Variants in CFAP74 observed in about 807,000 individuals in gnomAD.
CFAP74 encodes the protein cilia- and flagella-associated protein 74.
In CFAP74, 124 loss-of-function variants were observed where a neutral mutation model predicts 188.9. The ratio of observed to expected loss-of-function variants is 0.66; its 90% confidence interval spans 0.57 to 0.76. CFAP74 has a LOEUF of 0.76. Among genes scored for constraint, CFAP74 ranks in the 30% least tolerant of loss-of-function variants. CFAP74 has a pLI of 0.00. For synonymous variants in CFAP74, 956 were observed against 916.7 expected, an observed-to-expected ratio of 1.04 and a Z score of -0.77; for missense variants, 2,198 against 2,165.2, an observed-to-expected ratio of 1.02 and a Z score of -0.30.
intron 16 of CFAP74, among the ~76,000 whole-genome samples, chr1:1,957,244 G>A (rs138311763): frequency 1.3e-5 from 2 of 152,330 alleles, no homozygotes; most frequent in African/African-American, 2.4e-5. Context: ...AAGCTCTGGT[G>A]CTGGCTAAGG....
At chr1:1,985,528 C>A in intron 5 of CFAP74, 38 bp from the exon 6 acceptor site, 5 of 1,535,970 alleles carry the variant, frequency 3.3e-6, no homozygotes, top group Non-Finnish European at 4.5e-6. Flanking sequence ...GTGTGTCAGG[C>A]CTCAGTCATC....
In CFAP74 at chr1:1,942,714, C is replaced by T. The variant is rs1325166331; in HGVS notation, c.2487-558G>A. Among the ~76,000 whole-genome samples the T allele has an allele frequency of 6.6e-6, 1 of 152,188 alleles. No individual in the cohort carries two copies. The highest frequency in any genetic ancestry group is 2.4e-5 in the African/African-American group (1 of 41,444). On this transcript the variant is annotated intron_variant, in intron 21 of 38. Coordinates refer to ENST00000682832, the MANE Select transcript of CFAP74 (RefSeq NM_001304360.2). This position sits in a 1 kb window ranked among gnomAD's most constrained non-coding sequence, Gnocchi z 4.3. ...GGTCCCTACCTCCGGCTCCCTTAAG[C>T]CAACGGCCTCCTCAGGACCACCTGG... is the stretch of plus-strand genomic sequence containing the variant.
At chr1:1,936,627 C>G (rs2803322) in intron 25 of CFAP74, among the ~76,000 whole-genome samples, 84,198 of 151,860 alleles carry the variant, frequency 0.55, 23,541 homozygotes, top group East Asian at 0.66. Context: ...AGGAGAGCCG[C>G]GCACAGTGGC....
intron 9 of CFAP74, among the ~76,000 whole-genome samples, chr1:1,971,111 ACACACATG>A (rs2102079122): frequency 7.8e-6 from 1 of 127,398 alleles, no homozygotes; most frequent in South Asian, 2.6e-4. Flanking sequence ...ACACGTGTGC[ACACACATG>A]CTCACACGTG....
Position 1,923,165 on chromosome 1 carries a change from G to T in CFAP74, c.4523-20C>A. 1 of 1,596,222 alleles carries T rather than the reference G, an allele frequency of 6.3e-7. No individual in the cohort carries two copies. The highest frequency in any genetic ancestry group is 8.5e-7 in the Non-Finnish European group (1 of 1,173,460). ...AGCTGGCTGGAGGGGTGTGGCCAGG[G>T]GAGCTGTTCAGGGTCAGGCTGAGGC... On this transcript the variant is annotated intron_variant, in intron 36 of 38. Coordinates refer to ENST00000682832, the MANE Select transcript of CFAP74 (RefSeq NM_001304360.2). The surrounding 1 kb of genome is among the most constrained non-coding windows in gnomAD (Gnocchi z 6.3).
chr1:1,956,574 G>A (rs780247966), intron 17 of CFAP74, 46 bp downstream of exon 17: 2 of 1,607,402 alleles, frequency 1.2e-6, no homozygotes, highest in Non-Finnish European at 1.7e-6. Context: ...GACTGGATTT[G>A]GGGGGCAGGT....
At position 1,946,377 on chromosome 1, in the gene CFAP74, G is replaced by C; in HGVS notation, c.2304C>G (p.Val768=). The C allele has an allele frequency of 6.5e-7, 1 of 1,536,954 alleles. No homozygotes were observed. Among genetic ancestry groups the C allele is most frequent in the Non-Finnish European group, 8.7e-7 (1 of 1,146,850 alleles). ...ACCTGGCTTGGACGTCGCCTGGGACGACCGGAGTGAAGACGATGGGCACCT... is the reference window on the plus strand; with the variant it reads ...ACCTGGCTTGGACGTCGCCTGGGACCACCGGAGTGAAGACGATGGGCACCT... ...SIKVPIVFTP[V]VPGDVQARFK... Residue 768 remains valine (V), a synonymous_variant, in exon 20 of 39, where the codon GTC becomes GTG. Transcript: ENST00000682832.
intron 9 of CFAP74, among the ~76,000 whole-genome samples, chr1:1,971,074 T>C (rs1196656615): frequency 2.3e-5 from 3 of 132,336 alleles, no homozygotes; most frequent in Non-Finnish European, 4.7e-5. Flanking sequence ...CACGCACACC[T>C]GCACACACTC....
At chr1:1,945,129 G>T (rs1390206609) in intron 20 of CFAP74, among the ~76,000 whole-genome samples, 1 of 151,614 alleles carries the variant, frequency 6.6e-6, no homozygotes, top group Non-Finnish European at 1.5e-5. Flanking sequence ...AGTGTGGTGA[G>T]ACCCCCGTCT....
chr1:1,959,147 T>G lies in CFAP74; in HGVS notation c.1824A>C (p.Pro608=), dbSNP rs1654879879. The part of the protein sequence containing the change: ...FLAQTGEFSV[P]LKCSTKKCSL... ...AACATTTCTTTGTTGAACATTTCAG[T>G]GGAACTGAAAACTCGCCCGTCTGAG... The change falls in exon 16 of 39, where the codon CCA becomes CCC. Residue 608 remains proline (P), a synonymous_variant. Transcript: ENST00000682832. The G allele has an allele frequency of 1.2e-6, 2 of 1,612,868 alleles. No individual in the cohort carries two copies. The highest frequency in any genetic ancestry group is 1.7e-6 in the Non-Finnish European group (2 of 1,179,066).
In CFAP74 at chr1:1,975,203, C is replaced by T. The variant is rs370025042; in HGVS notation, c.501-1005G>A. 2.0e-5 allele frequency among the ~76,000 whole-genome samples: 3 copies of T among 152,254 alleles called. No individual in the cohort carries two copies. Among genetic ancestry groups the T allele is most frequent in the African/African-American group, 7.2e-5 (3 of 41,468 alleles). ...GAGCCGAGTCCAGTCTCTCTCCCCA[C>T]TGCAACACCCGGGGCAGGGGTCCCA... On this transcript the variant is annotated intron_variant, in intron 6 of 38. Coordinates refer to ENST00000682832, the MANE Select transcript of CFAP74 (RefSeq NM_001304360.2). This position sits in a 1 kb window ranked among gnomAD's most constrained non-coding sequence, Gnocchi z 4.5.
chr1:1,937,530 C>T (rs1301715083), intron 25 of CFAP74, among the ~76,000 whole-genome samples: 1 of 152,148 alleles, frequency 6.6e-6, no homozygotes, highest in Non-Finnish European at 1.5e-5. Context: ...TTCTCAACAA[C>T]GAGGCTGGAA....
intron 2 of CFAP74, among the ~76,000 whole-genome samples, chr1:1,989,724 G>C (rs1234694684): frequency 6.6e-6 from 1 of 152,230 alleles, no homozygotes; most frequent in Non-Finnish European, 1.5e-5. Flanking sequence ...GCCTCCCCAA[G>C]TGCTGGGATG....
intron 10 of CFAP74, among the ~76,000 whole-genome samples, chr1:1,969,107 T>A (rs1558038846): frequency 6.6e-6 from 1 of 152,020 alleles, no homozygotes; most frequent in South Asian, 2.1e-4. Context: ...AAGCCAGAGG[T>A]TCCAGGCTTA....
intron 16 of CFAP74, 110 bp downstream of exon 16, chr1:1,959,010 C>CT: frequency 1.4e-6 from 1 of 723,828 alleles, no homozygotes. Flanking sequence ...TTGGAGCTTC[C>CT]ACCTGGTCCC....
At chr1:1,926,840 G>A (rs555636820) in intron 29 of CFAP74, 54 bp downstream of exon 29, 1 of 1,549,128 alleles carries the variant, frequency 6.5e-7, no homozygotes, top group Admixed American at 2.0e-5. Context: ...CAGTAGCAGA[G>A]GGACAGCGCG....
In CFAP74 at chr1:1,922,700, G is replaced by T; in HGVS notation, c.4707C>A (p.Ser1569Arg). The change falls in exon 38 of 39, where the codon AGC becomes AGA. Residue 1569 changes from serine to arginine, a missense_variant. By Grantham distance (110) the Ser-to-Arg change is moderately radical (BLOSUM62 -1). Transcript: ENST00000682832. The stretch of plus-strand genomic sequence containing the variant: ...AACCCTTGTGCTGCAGGGATGCGAC[G>T]CTGTCTATGCTGAACTCAACGGTCT... ...PKKTVEFSIDSVASLQHKGFS... is the reference protein window; with the variant it reads ...PKKTVEFSIDRVASLQHKGFS... 4 of 1,600,478 alleles carry T rather than the reference G, an allele frequency of 2.5e-6. No individual in the cohort carries two copies. Among genetic ancestry groups the T allele is most frequent in the Non-Finnish European group, 3.4e-6 (4 of 1,172,464 alleles).
In CFAP74 at chr1:2,003,764, G is replaced by C. The variant is rs1658317964; in HGVS notation, c.-83C>G. 1 of 152,564 alleles carries C rather than the reference G, an allele frequency of 6.6e-6. No individual in the cohort carries two copies. Among genetic ancestry groups the C allele is most frequent in the South Asian group, 2.1e-4 (1 of 4,838 alleles). The allele number at this position is 152,564 out of a possible 1,614,324, so 9.5% of individuals were successfully genotyped here. A position where few individuals can be genotyped will look rare whatever the true frequency, so the allele number is the denominator to read the frequency against. On this transcript the variant is annotated 5_prime_UTR_variant, in exon 1 of 39. Coordinates refer to ENST00000682832, the MANE Select transcript of CFAP74 (RefSeq NM_001304360.2). ...GGCACAGACACCCCGGGCTGCTCAG[G>C]CAGGCGGCGGTCCTTGGCGATTGCC...
At position 1,923,843 on chromosome 1, in the gene CFAP74, C is replaced by T; in HGVS notation, c.4321G>A (p.Val1441Ile). 6 of 1,613,436 alleles carry T rather than the reference C, an allele frequency of 3.7e-6. No individual in the cohort carries two copies. The highest frequency in any genetic ancestry group is 5.1e-6 in the Non-Finnish European group (6 of 1,179,816). Residue 1441 changes from valine (V) to isoleucine (I), a missense_variant, in exon 35 of 39, where the codon GTC becomes ATC. Coordinates refer to ENST00000682832, the MANE Select transcript of CFAP74 (RefSeq NM_001304360.2). This position sits in a 1 kb window ranked among gnomAD's most constrained non-coding sequence, Gnocchi z 6.3. ...MDPGKTQDFT[V>I]TFSPDHESLY... ...CTTTCGTGGTCGGGGCTGAAGGTGACAGTGAAGTCTTGTGTCTTCCCGGGG... is the reference window on the plus strand; with the variant it reads ...CTTTCGTGGTCGGGGCTGAAGGTGATAGTGAAGTCTTGTGTCTTCCCGGGG...
Sources: allele counts gnomAD v4.1 joint callset (sites outside exome capture counted in the v4.1 genomes callset), GRCh38; gene constraint gnomAD v4.1.1; non-coding constraint Gnocchi (gnomAD v3.1); transcripts MANE v1.5; gene names NCBI Gene and HGNC (gene_info 2026-07-23, HGNC 2026-07-21).